Variants in GPR55 observed in about 807,000 individuals in gnomAD.
GPR55 encodes G protein-coupled receptor 55, also known as G-protein coupled receptor 55.
In GPR55, 6 loss-of-function variants were observed where a neutral mutation model predicts 7.9. The ratio of observed to expected loss-of-function variants is 0.76; its 90% CI spans 0.41 to 1.49. GPR55 has a LOEUF of 1.49. GPR55 is among the 40% of genes most tolerant of loss of function. The pLI, the probability that GPR55 is intolerant of heterozygous loss-of-function variation, is 0.01. For missense variants in GPR55, 376 were observed against 406.0 expected (o/e 0.93, Z 0.63); for synonymous variants, 183 against 166.8 (o/e 1.10, Z -0.75).
chr2:230,932,798 G>A (rs182145937), intron 1 of GPR55, among the ~76,000 whole-genome samples: 6 of 152,216 alleles, frequency 3.9e-5, no homozygotes, highest in Admixed American at 3.3e-4. Flanking sequence ...GCCCAGGCTC[G>A]GCCTGGGACT....
rs1346353501 is a variant in GPR55, at chr2:230,910,864, C to T, written c.99G>A (p.Leu33=). 2.5e-6 allele frequency: 4 copies of T among 1,614,100 alleles called. No homozygotes were observed. Among genetic ancestry groups the T allele is most frequent in the Admixed American group, 1.7e-5 (1 of 60,014 alleles). Residue 33 remains leucine, a synonymous_variant, in exon 2 of 2, where the codon CTG becomes CTA. Transcript: ENST00000650999. The surrounding 1 kb of genome is among the most constrained non-coding windows in gnomAD (Gnocchi z 5.4). ...TGGCCAGCAGGTTGAGGAGCAGGCC[C>T]AGGACGAAGGTGGGGATGTGGACTG... ...QFAVHIPTFV[L]GLLLNLLAIH... is the part of the protein sequence containing the mutation.
chr2:230,954,314 C>A (rs150522351), intron 1 of GPR55, among the ~76,000 whole-genome samples: 15 of 152,354 alleles, frequency 9.8e-5, no homozygotes, highest in African/African-American at 3.4e-4. Flanking sequence ...CAGAGCCAAG[C>A]CCCTGCTCTG....
upstream of GPR55, among the ~76,000 whole-genome samples, chr2:230,925,758 C>A (rs1218094051): frequency 6.6e-6 from 1 of 152,158 alleles, no homozygotes; most frequent in African/African-American, 2.4e-5. Context: ...GAGACCTCAG[C>A]CACTGCATGT....
upstream of GPR55, among the ~76,000 whole-genome samples, chr2:230,929,411 G>A (rs1690995808): frequency 6.6e-6 from 1 of 152,176 alleles, no homozygotes; most frequent in African/African-American, 2.4e-5. Context: ...TTAATGTCAA[G>A]GCAGAAGGGA....
intron 1 of GPR55, among the ~76,000 whole-genome samples, chr2:230,921,358 C>T (rs1431201920): frequency 6.6e-6 from 1 of 152,158 alleles, no homozygotes; most frequent in Non-Finnish European, 1.5e-5. Context: ...AATCAAGGGT[C>T]TATGCTCTCT....
Position 230,910,880 on chromosome 2 carries a change from A to G in GPR55, c.83T>C (p.Ile28Thr), listed in dbSNP as rs1471176568. Residue 28 changes from isoleucine (I) to threonine (T), a missense_variant, in exon 2 of 2, where the codon ATC becomes ACC. Transcript: ENST00000650999. This position sits in a 1 kb window ranked among gnomAD's most constrained non-coding sequence, Gnocchi z 5.4. ...GAGCAGGCCCAGGACGAAGGTGGGG[A>G]TGTGGACTGCAAACTGTAGGGTTTT... ...LMKTLQFAVH[I>T]PTFVLGLLLN... The G allele has an allele frequency of 6.2e-7, 1 of 1,614,012 alleles. No homozygotes were observed. Among genetic ancestry groups the G allele is most frequent in the African/African-American group, 1.3e-5 (1 of 74,932 alleles).
At chr2:230,933,747 G>A (rs563925741) in intron 1 of GPR55, among the ~76,000 whole-genome samples, 9 of 152,320 alleles carry the variant, frequency 5.9e-5, no homozygotes, top group East Asian at 3.9e-4. Context: ...GGAAGTCAGC[G>A]TCTCCAGGAG....
Position 230,919,267 on chromosome 2 carries a change from T to C in GPR55, c.-135+5901A>G, listed in dbSNP as rs1377180060. On this transcript the variant is annotated intron_variant, in intron 1 of 1. Transcript: ENST00000650999. ...AAGCTCTTTGTCAACTTAGCATAAC[T>C]GAAAATCAAAGAAACAGAAAATAAA... 2.6e-5 allele frequency among the ~76,000 whole-genome samples: 4 copies of C among 152,100 alleles called. No homozygotes were observed. The East Asian group carries it at 5.8e-4, about 22-fold the overall frequency.
chr2:230,951,849 C>T (rs1691409132), intron 1 of GPR55, among the ~76,000 whole-genome samples: 1 of 150,886 alleles, frequency 6.6e-6, no homozygotes, highest in East Asian at 2.0e-4. Flanking sequence ...ACCTTAACAT[C>T]CTGGGCTCAG....
intron 1 of GPR55, among the ~76,000 whole-genome samples, chr2:230,942,336 G>A (rs796086138): frequency 1.9e-4 from 29 of 152,300 alleles, no homozygotes; most frequent in African/African-American, 7.0e-4. Flanking sequence ...GCCTCCCTCA[G>A]GGAGTGTCCC....
intron 1 of GPR55, among the ~76,000 whole-genome samples, chr2:230,933,875 G>A (rs1164527467): frequency 1.3e-5 from 2 of 152,184 alleles, no homozygotes; most frequent in Admixed American, 6.5e-5. Context: ...GTGTCCGCTA[G>A]GAGAGGCATT....
At chr2:230,933,292 G>A (rs917515141) in intron 1 of GPR55, among the ~76,000 whole-genome samples, 1 of 152,106 alleles carries the variant, frequency 6.6e-6, no homozygotes, top group African/African-American at 2.4e-5. Context: ...AGCCACCTGG[G>A]CAGACTGCTC....
intron 1 of GPR55, among the ~76,000 whole-genome samples, chr2:230,953,524 A>C (rs2125070913): frequency 6.6e-6 from 1 of 152,348 alleles, no homozygotes; most frequent in South Asian, 2.1e-4. Flanking sequence ...TAGAGCCTCC[A>C]GGAGGACACA....
Position 230,923,649 on chromosome 2 carries a change from T to C in GPR55, c.-135+1519A>G, listed in dbSNP as rs1236644532. Among the ~76,000 whole-genome samples, 1 of 151,958 alleles carries C rather than the reference T, an allele frequency of 6.6e-6. No homozygotes were observed. The highest frequency in any genetic ancestry group is 6.6e-5 in the Admixed American group (1 of 15,260). On this transcript the variant is annotated intron_variant, in intron 1 of 1. Coordinates refer to ENST00000650999, the MANE Select transcript of GPR55 (RefSeq NM_005683.4). This position sits in a 1 kb window ranked among gnomAD's most constrained non-coding sequence, Gnocchi z 4.1. ...GAGGGGAGGGGCCGGCTTGGGGACG[T>C]GAAAGGTGGCCAGCAGTGTGCTCAG...
At chr2:230,937,688 G>C (rs1234344833) in intron 1 of GPR55, among the ~76,000 whole-genome samples, 1 of 151,926 alleles carries the variant, frequency 6.6e-6, no homozygotes, top group Non-Finnish European at 1.5e-5. Context: ...TTGTAGATTT[G>C]GGGTAAAAAT....
upstream of GPR55, among the ~76,000 whole-genome samples, chr2:230,927,528 C>T (rs1690963427): frequency 6.6e-6 from 1 of 152,204 alleles, no homozygotes; most frequent in South Asian, 2.1e-4. Context: ...AGAAAATTTC[C>T]CTTAAGCCTC....
At position 230,934,792 on chromosome 2, in the gene GPR55, A is replaced by C. The variant is rs1001880932; in HGVS notation, c.-134-23696T>G. Among the ~76,000 whole-genome samples, 163 of 152,148 alleles carry C rather than the reference A, an allele frequency of 1.1e-3. 1 individual carries two copies. Among genetic ancestry groups the C allele is most frequent in the Middle Eastern group, 3.4e-3 (1 of 294 alleles). ...GTGTTAAACCCAGATAGTCCCTAAG[A>C]GTGAAGAGCCGTCACTGCAGGTCGG... On this transcript the variant is annotated intron_variant, in intron 1 of 1. Coordinates refer to the GPR55 transcript ENST00000392039.
chr2:230,941,192 A>G (rs1386172173), intron 1 of GPR55, among the ~76,000 whole-genome samples: 1 of 151,848 alleles, frequency 6.6e-6, no homozygotes, highest in Non-Finnish European at 1.5e-5. Flanking sequence ...AACCCTCTAG[A>G]TGCTCTGTCC....
intron 1 of GPR55, among the ~76,000 whole-genome samples, chr2:230,949,460 C>A (rs976646419): frequency 6.6e-6 from 1 of 152,216 alleles, no homozygotes; most frequent in African/African-American, 2.4e-5. Flanking sequence ...CCGCGCCCAT[C>A]CTGCTTTTAA....
Sources: gnomAD v4.1 joint callset for allele counts (sites outside exome capture counted in the v4.1 genomes callset) on GRCh38, gnomAD v4.1.1 for gene constraint, Gnocchi (gnomAD v3.1) non-coding constraint, MANE v1.5 for transcripts, NCBI Gene and HGNC (gene_info 2026-07-23, HGNC 2026-07-21) for gene names.